Variants in IQCH observed in about 807,000 individuals in gnomAD.
IQCH encodes the protein IQ domain-containing protein H.
In IQCH, 98 loss-of-function variants were observed where a neutral mutation model predicts 117.0. That is an observed-to-expected ratio of 0.84 (90% CI 0.71 to 0.99). The LOEUF is 0.99. IQCH is among the 50% of genes least tolerant of loss of function. The pLI is 0.00. For missense variants in IQCH, 1,102 were observed against 1,243.8 expected, an observed-to-expected ratio of 0.89 and a Z score of 1.72; for synonymous variants, 412 against 448.2, an observed-to-expected ratio of 0.92 and a Z score of 1.02.
chr15:67,472,152 C>G lies in IQCH; in HGVS notation c.2677-3544C>G, dbSNP rs1272830044. ...GGAACACTTTAATGAAAACACAGAA[C>G]TTTATCCTGCCTTAAAGACTAGAAC... On this transcript the variant is annotated intron_variant, in intron 17 of 20. Transcript: ENST00000335894. The surrounding 1 kb of genome is among the most constrained non-coding windows in gnomAD (Gnocchi z 4.3). Among the ~76,000 whole-genome samples the G allele has an allele frequency of 6.6e-6, 1 of 152,164 alleles. No individual in the cohort carries two copies. Among genetic ancestry groups the G allele is most frequent in the Non-Finnish European group, 1.5e-5 (1 of 68,034 alleles).
chr15:67,325,104 A>T (rs1968345007), intron 4 of IQCH, among the ~76,000 whole-genome samples: 1 of 151,280 alleles, frequency 6.6e-6, no homozygotes, highest in African/African-American at 2.4e-5. Context: ...ATTATGTAAA[A>T]TTTTTTTTCT....
rs568476781 is a variant in IQCH at position 67,383,804 on chromosome 15, C to T, written c.1373-1132C>T. ...AGCTCATTTGTCCTTCTGCCTCTCT[C>T]TTTAATTCTTAAGTCCAGATGCAAA... On this transcript the variant is annotated intron_variant, in intron 10 of 20. Transcript: ENST00000335894. Among the ~76,000 whole-genome samples, 5 of 152,272 alleles carry T rather than the reference C, an allele frequency of 3.3e-5. No individual in the cohort carries two copies. In the South Asian group the frequency reaches 1.0e-3, roughly 32 times the overall value.
In IQCH at chr15:67,475,891, G is replaced by A; in HGVS notation, c.2799+73G>A. ...GGTGATCTAGGTAGCTAATAATTTG[G>A]TGCCCCTTCAGATAGATATTCTTTA... is the stretch of plus-strand genomic sequence containing the variant. On this transcript the variant is annotated intron_variant, in intron 18 of 20. Transcript: ENST00000335894. The surrounding 1 kb of genome is among the most constrained non-coding windows in gnomAD (Gnocchi z 5.7). 1 of 1,363,088 alleles carries A rather than the reference G, an allele frequency of 7.3e-7. No homozygotes were observed. The highest frequency in any genetic ancestry group is 1.0e-6 in the Non-Finnish European group (1 of 963,940). The allele number at this position is 1,363,088 out of a possible 1,614,324, so 84.4% of individuals were successfully genotyped here. A position where few individuals can be genotyped will look rare whatever the true frequency, so the allele number is the denominator to read the frequency against.
chr15:67,451,923 A>G (rs1280574253), intron 16 of IQCH, among the ~76,000 whole-genome samples: 1 of 152,176 alleles, frequency 6.6e-6, no homozygotes, highest in Non-Finnish European at 1.5e-5. Context: ...TTGGGTGCAT[A>G]TATATTTAGG....
rs1279409632 is a variant in IQCH, at chr15:67,431,390, A to G, written c.2505+9813A>G. On this transcript the variant is annotated intron_variant, in intron 16 of 20. Transcript: ENST00000335894. This position sits in a 1 kb window ranked among gnomAD's most constrained non-coding sequence, Gnocchi z 4.8. The stretch of plus-strand genomic sequence containing the variant: ...TTAGTAAACTAACACAGGAACAGAA[A>G]ACCAAATACTGCATGTTCCCACTTA... Among the ~76,000 whole-genome samples, 1 of 152,170 alleles carries G rather than the reference A, an allele frequency of 6.6e-6. No homozygotes were observed. Among genetic ancestry groups the G allele is most frequent in the East Asian group, 1.9e-4 (1 of 5,202 alleles).
rs1340508884 is a variant in IQCH, at chr15:67,427,144, TG to T, written c.2505+5568del. ...AAAAAATAAATAACTTCTCCAACAA[TG>T]AGAAACTTGAGTCTTTATCCCTCAA... On this transcript the variant is annotated intron_variant, in intron 16 of 20. Coordinates refer to ENST00000335894, the MANE Select transcript of IQCH (RefSeq NM_001031715.3). The surrounding 1 kb of genome is among the most constrained non-coding windows in gnomAD (Gnocchi z 4.7). Among the ~76,000 whole-genome samples the T allele has an allele frequency of 1.3e-5, 2 of 152,190 alleles. No homozygotes were observed. Among genetic ancestry groups the T allele is most frequent in the East Asian group, 3.8e-4 (2 of 5,198 alleles).
rs556719064 is a variant in IQCH, at chr15:67,359,350, T to C, written c.715-497T>C. Among the ~76,000 whole-genome samples, 3 of 152,368 alleles carry C rather than the reference T, an allele frequency of 2.0e-5. No individual in the cohort carries two copies. The highest frequency in any genetic ancestry group is 2.1e-4 in the South Asian group (1 of 4,832). Reference sequence around the variant, plus strand: ...TCCCCAACTGCTGGAAACAGTAATATTTAATGACTTTTTCCTGTGGTCCCA... The same window carrying C: ...TCCCCAACTGCTGGAAACAGTAATACTTAATGACTTTTTCCTGTGGTCCCA... On this transcript the variant is annotated intron_variant, in intron 7 of 20. Transcript: ENST00000335894. This position sits in a 1 kb window ranked among gnomAD's most constrained non-coding sequence, Gnocchi z 4.5.
intron 16 of IQCH, among the ~76,000 whole-genome samples, chr15:67,444,746 A>G (rs901379904): frequency 9.9e-5 from 15 of 152,206 alleles, no homozygotes; most frequent in African/African-American, 3.6e-4. Context: ...ATCAAAATGC[A>G]TATTTGGGGA....
chr15:67,305,897 T>G (rs1290292233), intron 4 of IQCH, among the ~76,000 whole-genome samples: 1 of 152,148 alleles, frequency 6.6e-6, no homozygotes, highest in Non-Finnish European at 1.5e-5. Flanking sequence ...AATGAGTGCC[T>G]TGGATGTTGT....
chr15:67,488,781 G>A (rs940077709), intron 18 of IQCH, among the ~76,000 whole-genome samples: 1 of 152,074 alleles, frequency 6.6e-6, no homozygotes, highest in Non-Finnish European at 1.5e-5. Flanking sequence ...TTAACAATAG[G>A]TTTCCCGCTC....
At chr15:67,290,881 G>A (rs1244596039) in intron 4 of IQCH, among the ~76,000 whole-genome samples, 1 of 152,116 alleles carries the variant, frequency 6.6e-6, no homozygotes, top group African/African-American at 2.4e-5. Context: ...CCTTCCTTGG[G>A]AGCCTTGGGG....
intron 4 of IQCH, among the ~76,000 whole-genome samples, chr15:67,282,645 C>G (rs1427271697): frequency 2.0e-5 from 3 of 152,120 alleles, no homozygotes. Flanking sequence ...GCTGTCTTAC[C>G]AGCTGTTACA....
At chr15:67,373,700 C>T (rs149273951) in intron 10 of IQCH, 1 of 550,252 alleles carries the variant, frequency 1.8e-6, no homozygotes, top group East Asian at 3.2e-5. Context: ...ATGAAATGAA[C>T]TAAAAAGTTG....
At chr15:67,421,854 T>A (rs1226537563) in intron 16 of IQCH, among the ~76,000 whole-genome samples, 1 of 152,136 alleles carries the variant, frequency 6.6e-6, no homozygotes, top group African/African-American at 2.4e-5. Context: ...ATCCCAGCAC[T>A]TTGGGAGGCC....
At chr15:67,261,493 C>T in intron 2 of IQCH, 99 bp downstream of exon 2, 1 of 1,045,444 alleles carries the variant, frequency 9.6e-7, no homozygotes, top group Non-Finnish European at 1.4e-6. Context: ...AATTCTGTAA[C>T]AAAGCTGAAT....
At chr15:67,349,989 TACTGTATG>T (rs1434079081) in intron 6 of IQCH, among the ~76,000 whole-genome samples, 1 of 152,214 alleles carries the variant, frequency 6.6e-6, no homozygotes, top group African/African-American at 2.4e-5. Context: ...AACATGCATT[TACTGTATG>T]ACCCAACAAT....
In IQCH at chr15:67,481,566, C is replaced by G. The variant is rs2141064049; in HGVS notation, c.2799+5748C>G. On this transcript the variant is annotated intron_variant, in intron 18 of 20. Coordinates refer to ENST00000335894, the MANE Select transcript of IQCH (RefSeq NM_001031715.3). The surrounding 1 kb of genome is among the most constrained non-coding windows in gnomAD (Gnocchi z 4.1). ...GGACACAGCCAAACCATATCAAGTA[C>G]ATATTTGCATTCAGAGAGACTCTCT... is the stretch of plus-strand genomic sequence containing the variant. 6.6e-6 allele frequency among the ~76,000 whole-genome samples: 1 copy of G among 152,196 alleles called. No homozygotes were observed. Among genetic ancestry groups the G allele is most frequent in the Admixed American group, 6.5e-5 (1 of 15,290 alleles).
At chr15:67,272,314 G>A (rs1158121185) in intron 3 of IQCH, among the ~76,000 whole-genome samples, 1 of 152,166 alleles carries the variant, frequency 6.6e-6, no homozygotes, top group African/African-American at 2.4e-5. Context: ...GTTGAGATGT[G>A]TTTTGTGGCC....
At chr15:67,398,163 T>C (rs1368413035) in intron 13 of IQCH, among the ~76,000 whole-genome samples, 3 of 152,124 alleles carry the variant, frequency 2.0e-5, no homozygotes, top group Non-Finnish European at 2.9e-5. Flanking sequence ...AGTCGAAACC[T>C]GCAAATATAT....
Sources: allele counts gnomAD v4.1 joint callset (sites outside exome capture counted in the v4.1 genomes callset), GRCh38; gene constraint gnomAD v4.1.1; non-coding constraint Gnocchi (gnomAD v3.1); transcripts MANE v1.5; gene names NCBI Gene and HGNC (gene_info 2026-07-23, HGNC 2026-07-21).